CSMD1: variants seen among roughly 807,000 people sequenced by gnomAD.
CSMD1 encodes the protein CUB and Sushi multiple domains 1.
In CSMD1, 213 loss-of-function variants were observed where a neutral mutation model predicts 417.5. That is an observed-to-expected ratio of 0.51 (90% CI 0.46 to 0.57). The LOEUF (loss-of-function observed/expected upper bound fraction) is 0.57, where lower values mean the gene tolerates loss of function less well. Ranked by LOEUF, CSMD1 falls within the 20% of genes least tolerant of loss-of-function variation. CSMD1 has a pLI of 0.00. For missense variants in CSMD1, 6,923 were observed against 4,529.7 expected, an observed-to-expected ratio of 1.53 and a Z score of -15.17; for synonymous variants, 2,862 against 1,736.8, an observed-to-expected ratio of 1.65 and a Z score of -16.11.
intron 3 of CSMD1, among the ~76,000 whole-genome samples, chr8:4,394,898 C>T (rs1804095812): frequency 6.6e-6 from 1 of 152,166 alleles, no homozygotes; most frequent in African/African-American, 2.4e-5. Flanking sequence ...GTTTTCACCA[C>T]AGTGTTCCTC....
chr8:4,313,450 G>T (rs1798743048), intron 3 of CSMD1, among the ~76,000 whole-genome samples: 1 of 141,976 alleles, frequency 7.0e-6, no homozygotes, highest in Admixed American at 7.5e-5. Flanking sequence ...ATTCTCCTCT[G>T]AAAATGTTAG....
intron 2 of CSMD1, among the ~76,000 whole-genome samples, chr8:4,527,346 C>T (rs1285868469): frequency 6.6e-6 from 1 of 152,106 alleles, no homozygotes; most frequent in East Asian, 1.9e-4. Flanking sequence ...ACCCAAAAAA[C>T]AATAAAATCT....
intron 3 of CSMD1, among the ~76,000 whole-genome samples, chr8:4,284,852 A>G (rs1016399142): frequency 1.3e-5 from 2 of 152,084 alleles, no homozygotes; most frequent in African/African-American, 4.8e-5. Flanking sequence ...ACAAAGAAAC[A>G]AAAACAAAAA....
chr8:2,942,853 G>T (rs1369380543), intron 68 of CSMD1, among the ~76,000 whole-genome samples: 1 of 152,160 alleles, frequency 6.6e-6, no homozygotes, highest in African/African-American at 2.4e-5. Context: ...ATGTGAGAAA[G>T]GCAAAAGGGT....
intron 6 of CSMD1, among the ~76,000 whole-genome samples, chr8:3,752,911 A>G (rs895249276): frequency 6.6e-6 from 1 of 152,274 alleles, no homozygotes. Context: ...GGATTTTAAA[A>G]TGTGTAAGAT....
chr8:4,744,177 G>C (rs900208611), intron 1 of CSMD1, among the ~76,000 whole-genome samples: 7 of 151,880 alleles, frequency 4.6e-5, no homozygotes, highest in Admixed American at 2.0e-4. Flanking sequence ...TCGCAGTCCA[G>C]GCCAAACACA....
chr8:3,964,391 G>A (rs919794018), intron 5 of CSMD1, among the ~76,000 whole-genome samples: 4 of 152,082 alleles, frequency 2.6e-5, no homozygotes, highest in African/African-American at 7.2e-5. Flanking sequence ...CAATTCCAAC[G>A]TATAATTTAG....
At position 4,209,286 on chromosome 8, in the gene CSMD1, A is replaced by T. The variant is rs1437218373; in HGVS notation, c.416-177187T>A. On this transcript the variant is annotated intron_variant, in intron 3 of 69. Transcript: ENST00000635120. ...AGCTGGCCTCTTTCCTTCATTTCAC[A>T]GCTTGCTCTTCAGTGGTTCCCATCT... Among the ~76,000 whole-genome samples the T allele has an allele frequency of 3.3e-5, 5 of 152,146 alleles. No homozygotes were observed. The East Asian group carries it at 9.7e-4, about 29-fold the overall frequency.
intron 3 of CSMD1, among the ~76,000 whole-genome samples, chr8:4,233,475 T>G (rs1205501469): frequency 6.6e-6 from 1 of 152,152 alleles, no homozygotes; most frequent in Non-Finnish European, 1.5e-5. Context: ...ATGCTTTGAT[T>G]AGGAAGAAGG....
At chr8:4,142,687 G>T (rs934795186) in intron 3 of CSMD1, among the ~76,000 whole-genome samples, 1 of 151,090 alleles carries the variant, frequency 6.6e-6, no homozygotes, top group South Asian at 2.1e-4. Context: ...TGCAGTTATT[G>T]GGTGGCTGAG....
chr8:4,780,007 C>T (rs1797072247), intron 1 of CSMD1, among the ~76,000 whole-genome samples: 2 of 151,880 alleles, frequency 1.3e-5, no homozygotes, highest in Non-Finnish European at 2.9e-5. Context: ...TTTCTCTTCT[C>T]TTTCACAAAC....
intron 2 of CSMD1, among the ~76,000 whole-genome samples, chr8:4,606,644 A>G (rs1042849262): frequency 2.6e-5 from 4 of 152,206 alleles, no homozygotes; most frequent in Admixed American, 1.3e-4. Flanking sequence ...TTAAGATTGC[A>G]GTCAACCATG....
intron 1 of CSMD1, among the ~76,000 whole-genome samples, chr8:4,677,256 C>T (rs552946263): frequency 3.3e-5 from 5 of 151,576 alleles, no homozygotes; most frequent in African/African-American, 1.2e-4. Context: ...AATAATTCTA[C>T]TTTGTTGAAG....
At chr8:3,326,234 A>C (rs373878680) in intron 23 of CSMD1, among the ~76,000 whole-genome samples, 112 of 152,368 alleles carry the variant, frequency 7.4e-4, no homozygotes, top group African/African-American at 2.6e-3. Context: ...ACATCATATT[A>C]AACTGTAAGA....
intron 5 of CSMD1, among the ~76,000 whole-genome samples, chr8:3,825,864 C>T (rs1354867412): frequency 6.6e-6 from 1 of 152,192 alleles, no homozygotes; most frequent in Non-Finnish European, 1.5e-5. Flanking sequence ...ACGCATTGTA[C>T]ACTAGGGCAA....
At chr8:3,683,570 A>G (rs554369806) in intron 7 of CSMD1, among the ~76,000 whole-genome samples, 2 of 152,300 alleles carry the variant, frequency 1.3e-5, no homozygotes, top group African/African-American at 4.8e-5. Context: ...GAAAAATGAA[A>G]TATGTTTAAA....
At chr8:3,860,820 G>GA (rs1171882971) in intron 5 of CSMD1, among the ~76,000 whole-genome samples, 1 of 152,126 alleles carries the variant, frequency 6.6e-6, no homozygotes, top group Non-Finnish European at 1.5e-5. Flanking sequence ...GTTTTCTGGT[G>GA]AACAAACGTG....
At chr8:3,796,667 T>C (rs1025477467) in intron 5 of CSMD1, among the ~76,000 whole-genome samples, 1 of 150,114 alleles carries the variant, frequency 6.7e-6, no homozygotes, top group Non-Finnish European at 1.5e-5. Flanking sequence ...CACCTATATA[T>C]CTATATGTAT....
intron 18 of CSMD1, among the ~76,000 whole-genome samples, chr8:3,384,272 T>C (rs1481114252): frequency 6.6e-6 from 1 of 152,186 alleles, no homozygotes; most frequent in African/African-American, 2.4e-5. Context: ...AATCTTTATA[T>C]CTTCAATCAA....
Sources: allele counts gnomAD v4.1 joint callset (sites outside exome capture counted in the v4.1 genomes callset), GRCh38; gene constraint gnomAD v4.1.1; transcripts MANE v1.5; gene names NCBI Gene and HGNC (gene_info 2026-07-23, HGNC 2026-07-21).